SPHKAP: variants seen among roughly 807,000 people sequenced by gnomAD.
SPHKAP encodes the protein A-kinase anchor protein SPHKAP.
Under a neutral mutation model 137.5 loss-of-function variants are expected in SPHKAP, and 67 were observed. The observed-to-expected ratio is 0.49, with a 90% CI of 0.40 to 0.60. The LOEUF is 0.60. Ranked by LOEUF, SPHKAP falls within the 20% of genes least tolerant of loss-of-function variation. The probability of loss-of-function intolerance (pLI) is 0.00; values close to 1 mark genes in which losing one functional copy is unlikely to be tolerated. For synonymous variants in SPHKAP, 813 were observed against 785.3 expected (o/e 1.04, Z -0.59); for missense variants, 2,097 against 2,069.3 (o/e 1.01, Z -0.26).
chr2:228,110,767 G>C (rs1477784626), intron 2 of SPHKAP, among the ~76,000 whole-genome samples: 1 of 152,128 alleles, frequency 6.6e-6, no homozygotes, highest in African/African-American at 2.4e-5. Context: ...CAGACATTAA[G>C]GAGATTTGCA....
intron 3 of SPHKAP, among the ~76,000 whole-genome samples, chr2:228,060,148 G>C (rs1160453440): frequency 6.6e-6 from 1 of 152,102 alleles, no homozygotes; most frequent in Non-Finnish European, 1.5e-5. Context: ...CAAATGAACA[G>C]ATTAAATAGG....
At position 228,017,598 on chromosome 2, in the gene SPHKAP, T is replaced by C. The variant is rs1163489843; in HGVS notation, c.3256A>G (p.Ile1086Val). 6.2e-7 allele frequency: 1 copy of C among 1,613,928 alleles called. No individual in the cohort carries two copies. The highest frequency in any genetic ancestry group is 1.1e-5 in the South Asian group (1 of 91,080). Residue 1086 changes from isoleucine to valine, a missense_variant, in exon 7 of 12, where the codon ATT becomes GTT. By Grantham distance (29) the Ile-to-Val change is conservative. Coordinates refer to ENST00000392056, the MANE Select transcript of SPHKAP (RefSeq NM_001142644.2). Reference protein sequence around the residue: ...SRLKASSCESIPEEDSEARAY... With the variant: ...SRLKASSCESVPEEDSEARAY... The stretch of plus-strand genomic sequence containing the variant: ...CTGGCCTCGGAGTCTTCCTCAGGAA[T>C]GCTTTCGCAGCTGGAGGCCTTCAGC...
Position 228,114,880 on chromosome 2 carries a change from A to G in SPHKAP, c.139-5941T>C, listed in dbSNP as rs538775761. On this transcript the variant is annotated intron_variant, in intron 2 of 11. Coordinates refer to ENST00000392056, the MANE Select transcript of SPHKAP (RefSeq NM_001142644.2). The stretch of plus-strand genomic sequence containing the variant: ...GAATATTAAGAGCGATAACTCTTCT[A>G]GAGAAAGAACAAGCACTCTGACTGT... 2.6e-5 allele frequency among the ~76,000 whole-genome samples: 4 copies of G among 152,244 alleles called. No individual in the cohort carries two copies. In the South Asian group the frequency reaches 8.3e-4, roughly 32 times the overall value.
At chr2:227,993,664 C>T in intron 8 of SPHKAP, 44 bp from the exon 9 acceptor site, 1 of 1,489,118 alleles carries the variant, frequency 6.7e-7, no homozygotes, top group Non-Finnish European at 9.2e-7. Context: ...TCTCCACCCT[C>T]TAACATGCTG....
intron 1 of SPHKAP, among the ~76,000 whole-genome samples, chr2:228,168,123 A>G (rs996932263): frequency 1.3e-5 from 2 of 152,190 alleles, no homozygotes; most frequent in East Asian, 3.8e-4. Context: ...AATCATTTCA[A>G]AGAAACTACT....
intron 1 of SPHKAP, among the ~76,000 whole-genome samples, chr2:228,139,166 G>T (rs4321353): frequency 0.33 from 49,594 of 151,952 alleles, 8,557 homozygotes; most frequent in East Asian, 0.51. Flanking sequence ...GATGTAATTT[G>T]TAAATATCAA....
intron 3 of SPHKAP, among the ~76,000 whole-genome samples, chr2:228,044,864 T>C (rs974922459): frequency 6.6e-6 from 1 of 152,180 alleles, no homozygotes; most frequent in African/African-American, 2.4e-5. Flanking sequence ...AAAGGGCTAA[T>C]ATCCAAAATC....
At chr2:227,995,871 TC>T in intron 7 of SPHKAP, 177 bp from the exon 8 acceptor site, 1 of 931,296 alleles carries the variant, frequency 1.1e-6, no homozygotes, top group Non-Finnish European at 1.3e-6. Flanking sequence ...TCAGGATTAC[TC>T]CCCATCAGCC....
At position 228,017,532 on chromosome 2, in the gene SPHKAP, GGCTCAGCGT is replaced by G. The variant is rs754332112; in HGVS notation, c.3313_3321del (p.Thr1105_Ser1107del). The stretch of plus-strand genomic sequence containing the variant: ...ACAGAGCTGGCCCTGCTGACCGGCT[GGCTCAGCGT>G]GCTCATTAAGCCCAGGCTGTTGACA... On this transcript the variant is annotated inframe_deletion, in exon 7 of 12. Transcript: ENST00000392056. The G allele has an allele frequency of 8.7e-6, 14 of 1,613,230 alleles. No homozygotes were observed. The highest frequency in any genetic ancestry group is 1.2e-5 in the Non-Finnish European group (14 of 1,179,756).
chr2:228,034,127 C>T (rs6744401), intron 3 of SPHKAP, among the ~76,000 whole-genome samples: 59,786 of 151,694 alleles, frequency 0.39, 12,183 homozygotes, highest in South Asian at 0.51. Flanking sequence ...ATTGATAGAC[C>T]GCTAGCAAGA....
At chr2:228,040,343 C>T (rs1183035523) in intron 3 of SPHKAP, among the ~76,000 whole-genome samples, 2 of 152,124 alleles carry the variant, frequency 1.3e-5, no homozygotes, top group Non-Finnish European at 2.9e-5. Flanking sequence ...CTGTTAGATT[C>T]AGGACCCTGG....
chr2:228,178,994 A>G (rs57482926), intron 1 of SPHKAP, among the ~76,000 whole-genome samples: 51,957 of 151,910 alleles, frequency 0.34, 10,267 homozygotes, highest in South Asian at 0.55. Context: ...TAGTTTTAAT[A>G]TCAATCATCA....
intron 7 of SPHKAP, among the ~76,000 whole-genome samples, chr2:228,000,474 C>T (rs1030375119): frequency 2.3e-4 from 35 of 151,880 alleles, no homozygotes; most frequent in African/African-American, 8.0e-4. Context: ...AAAAATTAGC[C>T]GGGCATGGTG....
intron 2 of SPHKAP, among the ~76,000 whole-genome samples, chr2:228,119,471 A>ACACACACACACACACACACACG (rs974795452): frequency 6.7e-6 from 1 of 148,462 alleles, no homozygotes; most frequent in South Asian, 2.1e-4. Context: ...ACACACACAC[A>ACACACACACACACACACACACG]CTCTCTCTCT....
intron 9 of SPHKAP, among the ~76,000 whole-genome samples, chr2:227,992,507 A>G (rs984474917): frequency 6.6e-6 from 1 of 152,218 alleles, no homozygotes; most frequent in Non-Finnish European, 1.5e-5. Context: ...TATTGCAGAG[A>G]AAGTTGGGAA....
At chr2:227,988,396 T>C (rs970957913) in intron 11 of SPHKAP, among the ~76,000 whole-genome samples, 4 of 152,200 alleles carry the variant, frequency 2.6e-5, no homozygotes, top group Non-Finnish European at 4.4e-5. Context: ...GGAATGTCTA[T>C]TTTCTCAGAA....
At chr2:228,178,060 A>C (rs962863420) in intron 1 of SPHKAP, among the ~76,000 whole-genome samples, 1 of 152,158 alleles carries the variant, frequency 6.6e-6, no homozygotes, top group Non-Finnish European at 1.5e-5. Context: ...TATTTTTAGC[A>C]CTTGTTGGCT....
At chr2:228,093,590 T>C (rs1383092224) in intron 3 of SPHKAP, among the ~76,000 whole-genome samples, 1 of 151,822 alleles carries the variant, frequency 6.6e-6, no homozygotes, top group Non-Finnish European at 1.5e-5. Context: ...CCAGGTGTAG[T>C]GGCTCATACC....
chr2:227,984,607 G>A (rs1335820368), intron 11 of SPHKAP, among the ~76,000 whole-genome samples: 4 of 152,112 alleles, frequency 2.6e-5, no homozygotes, highest in East Asian at 3.9e-4. Flanking sequence ...GATGACATGC[G>A]GCTTCGGAAT....
Sources: gnomAD v4.1 joint callset for allele counts (sites outside exome capture counted in the v4.1 genomes callset) on GRCh38, gnomAD v4.1.1 for gene constraint, MANE v1.5 for transcripts, NCBI Gene and HGNC (gene_info 2026-07-23, HGNC 2026-07-21) for gene names.